The following IFT74 variants were observed in gnomAD, a reference collection of about 807,000 sequenced individuals.
IFT74 encodes intraflagellar transport protein 74 homolog.
A neutral mutation model predicts 96.7 loss-of-function variants in IFT74; 92 were observed. The ratio of observed to expected loss-of-function variants is 0.95; its 90% CI spans 0.80 to 1.13. The LOEUF (loss-of-function observed/expected upper bound fraction) is 1.13, where lower values mean the gene tolerates loss of function less well. IFT74 is among the 50% of genes most tolerant of loss of function. The pLI is 0.00. For missense variants in IFT74, 811 were observed against 698.2 expected (o/e 1.16, Z -1.82); for synonymous variants, 223 against 213.2 (o/e 1.05, Z -0.40).
chr9:26,956,085 T>G (rs1311960521), upstream of IFT74: 1 of 152,154 alleles, frequency 6.6e-6, no homozygotes, highest in Non-Finnish European at 1.5e-5. Context: ...CCACTTAACT[T>G]CAAATGTAAC....
intron 2 of IFT74, among the ~76,000 whole-genome samples, chr9:26,975,514 A>T (rs908654346): frequency 1.3e-5 from 2 of 152,186 alleles, no homozygotes; most frequent in Non-Finnish European, 1.5e-5. Flanking sequence ...TTCTTTCATT[A>T]TCTTTCCAAT....
At chr9:27,044,384 C>G (rs1192202292) in intron 13 of IFT74, among the ~76,000 whole-genome samples, 1 of 152,058 alleles carries the variant, frequency 6.6e-6, no homozygotes, top group African/African-American at 2.4e-5. Flanking sequence ...AGAGTATAAA[C>G]TCTGTGAGTG....
chr9:27,029,483 C>G (rs1313052421), intron 13 of IFT74, among the ~76,000 whole-genome samples: 1 of 152,146 alleles, frequency 6.6e-6, no homozygotes, highest in Non-Finnish European at 1.5e-5. Flanking sequence ...TGTGGTGGCT[C>G]ACGCCTGTAA....
At chr9:27,002,328 T>C (rs951714267) in intron 8 of IFT74, among the ~76,000 whole-genome samples, 2 of 152,216 alleles carry the variant, frequency 1.3e-5, no homozygotes, top group African/African-American at 4.8e-5. Context: ...ACAGGCTTTG[T>C]GTGAGCAACA....
intron 13 of IFT74, among the ~76,000 whole-genome samples, chr9:27,029,975 C>T (rs1830047161): frequency 6.6e-6 from 1 of 152,018 alleles, no homozygotes; most frequent in African/African-American, 2.4e-5. Context: ...GGTACCAGAA[C>T]ACCTGAGGGA....
chr9:27,015,199 G>A (rs1290382165), intron 10 of IFT74, among the ~76,000 whole-genome samples: 1 of 152,188 alleles, frequency 6.6e-6, no homozygotes, highest in Non-Finnish European at 1.5e-5. Context: ...TTTCTTCTAT[G>A]TCTTTTTAGC....
At chr9:27,017,905 A>G (rs954237454) in intron 11 of IFT74, among the ~76,000 whole-genome samples, 6 of 152,220 alleles carry the variant, frequency 3.9e-5, no homozygotes, top group Non-Finnish European at 2.9e-5. Flanking sequence ...CTTCATATGT[A>G]TATGGGCACA....
chr9:27,030,358 C>T (rs1184315027), intron 13 of IFT74, among the ~76,000 whole-genome samples: 1 of 151,966 alleles, frequency 6.6e-6, no homozygotes. Flanking sequence ...TCCTGAGTAG[C>T]TGGGAATATA....
At chr9:27,012,379 C>T (rs1056784960) in intron 10 of IFT74, among the ~76,000 whole-genome samples, 5 of 152,072 alleles carry the variant, frequency 3.3e-5, no homozygotes, top group African/African-American at 9.7e-5. Context: ...GGAACCACCA[C>T]ACCTGGCTAA....
At chr9:26,989,746 G>A (rs945373456) in intron 7 of IFT74, among the ~76,000 whole-genome samples, 2 of 152,070 alleles carry the variant, frequency 1.3e-5, no homozygotes, top group Non-Finnish European at 2.9e-5. Flanking sequence ...TTAATTAGGT[G>A]TACTCAGATA....
chr9:27,030,630 T>C (rs1157172985), intron 13 of IFT74, among the ~76,000 whole-genome samples: 1 of 150,696 alleles, frequency 6.6e-6, no homozygotes, highest in Non-Finnish European at 1.5e-5. Context: ...CTAGAAACAA[T>C]GAGAAATAGC....
At chr9:26,988,152 A>G (rs1345056453) in intron 6 of IFT74, among the ~76,000 whole-genome samples, 3 of 151,984 alleles carry the variant, frequency 2.0e-5, no homozygotes, top group Admixed American at 6.6e-5. Flanking sequence ...GGGTTTCTCC[A>G]TGTTGGTCAG....
chr9:27,001,091 A>T (rs1047475352), intron 8 of IFT74, among the ~76,000 whole-genome samples: 1 of 152,126 alleles, frequency 6.6e-6, no homozygotes. Flanking sequence ...TTCACTTGAC[A>T]TAATGACCTC....
chr9:27,051,451 A>G (rs546921393), intron 16 of IFT74, among the ~76,000 whole-genome samples: 1 of 152,290 alleles, frequency 6.6e-6, no homozygotes, highest in East Asian at 1.9e-4. Context: ...AACAAAATTT[A>G]TCATCTTAAC....
At position 26,966,901 on chromosome 9, in the gene IFT74, A is replaced by G. The variant is rs565744088; in HGVS notation, c.120+4814A>G. ...TTGTCTATGGATATCCAGTTCTCCC[A>G]GTACCATTTATTGAAGAAACTGGCA... On this transcript the variant is annotated intron_variant, in intron 2 of 19. Coordinates refer to ENST00000380062, the MANE Select transcript of IFT74 (RefSeq NM_025103.4). Among the ~76,000 whole-genome samples the G allele has an allele frequency of 2.0e-5, 3 of 152,270 alleles. No homozygotes were observed. The South Asian group carries it at 6.2e-4, about 32-fold the overall frequency.
chr9:26,950,182 C>T (rs918987160), intron 1 of IFT74, among the ~76,000 whole-genome samples: 12 of 151,974 alleles, frequency 7.9e-5, no homozygotes, highest in East Asian at 1.9e-4. Context: ...TGTGGTGGCA[C>T]GCGCCTGTAG....
intron 11 of IFT74, 87 bp downstream of exon 11, chr9:27,017,137 T>A: frequency 1.0e-6 from 1 of 985,792 alleles, no homozygotes; most frequent in Non-Finnish European, 1.5e-6. Flanking sequence ...TTAATGCAAG[T>A]AGTAAAGCTA....
intron 1 of IFT74, among the ~76,000 whole-genome samples, chr9:26,958,296 A>G (rs2131469869): frequency 6.6e-6 from 1 of 152,344 alleles, no homozygotes; most frequent in Middle Eastern, 3.4e-3. Flanking sequence ...GGTAGCATGT[A>G]GAACAGGCCT....
At chr9:26,964,811 G>A (rs1587244321) in intron 2 of IFT74, among the ~76,000 whole-genome samples, 1 of 152,202 alleles carries the variant, frequency 6.6e-6, no homozygotes, top group East Asian at 1.9e-4. Context: ...TAGACAATGA[G>A]TGAAACAATA....
Sources: gnomAD v4.1 joint callset for allele counts (sites outside exome capture counted in the v4.1 genomes callset) on GRCh38, gnomAD v4.1.1 for gene constraint, MANE v1.5 for transcripts, NCBI Gene and HGNC (gene_info 2026-07-23, HGNC 2026-07-21) for gene names.